Variants in BTRC observed in about 807,000 individuals in gnomAD.
BTRC encodes the protein F-box/WD repeat-containing protein 1A.
A neutral mutation model predicts 85.5 loss-of-function variants in BTRC; 42 were observed. That is an observed-to-expected ratio of 0.49 (90% CI 0.38 to 0.64). BTRC has a LOEUF of 0.64. Ranked by LOEUF, BTRC falls within the 30% of genes least tolerant of loss-of-function variation. BTRC has a pLI of 0.00. For synonymous variants in BTRC, 255 were observed against 263.3 expected, an observed-to-expected ratio of 0.97 and a Z score of 0.30; for missense variants, 594 against 743.5, an observed-to-expected ratio of 0.80 and a Z score of 2.34.
At chr10:101,424,684 T>C (rs1238059579) in intron 1 of BTRC, among the ~76,000 whole-genome samples, 1 of 152,166 alleles carries the variant, frequency 6.6e-6, no homozygotes, top group Non-Finnish European at 1.5e-5. Flanking sequence ...CAGCCAAGTG[T>C]AGGGGGAAGA....
intron 1 of BTRC, among the ~76,000 whole-genome samples, chr10:101,368,470 T>C (rs995807898): frequency 1.8e-4 from 5 of 27,732 alleles, no homozygotes; most frequent in Non-Finnish European, 4.4e-4. Flanking sequence ...TTTTCTTTTT[T>C]TTTTTTTTTT....
upstream of BTRC, chr10:101,354,089 A>G: frequency 2.1e-6 from 3 of 1,427,618 alleles, no homozygotes; most frequent in Non-Finnish European, 2.9e-6. Context: ...GGGGGGAAGG[A>G]AGAGGAGGCG....
intron 1 of BTRC, among the ~76,000 whole-genome samples, chr10:101,366,886 AT>A (rs1244889066): frequency 3.8e-5 from 1 of 26,424 alleles, no homozygotes; most frequent in South Asian, 1.1e-3. Context: ...ATTTATATAT[AT>A]TTATATATAT....
intron 1 of BTRC, among the ~76,000 whole-genome samples, chr10:101,371,273 C>A (rs140665295): frequency 4.5e-4 from 68 of 152,024 alleles, no homozygotes; most frequent in African/African-American, 1.6e-3. Flanking sequence ...ACTGCAGACT[C>A]CGCCAAGCAA....
At chr10:101,544,925 G>A (rs767808064) in intron 13 of BTRC, among the ~76,000 whole-genome samples, 3 of 151,848 alleles carry the variant, frequency 2.0e-5, no homozygotes, top group African/African-American at 2.4e-5. Flanking sequence ...ATGGTGGCAC[G>A]TGCCCAGTGC....
Position 101,540,253 on chromosome 10 carries a change from T to A in BTRC, c.1656+1882T>A, listed in dbSNP as rs558215082. 8.5e-5 allele frequency among the ~76,000 whole-genome samples: 13 copies of A among 152,336 alleles called. No homozygotes were observed. The South Asian group carries it at 2.3e-3, about 27-fold the overall frequency. ...TTTTCTTCTCTAAGTTTTATAATTT[T>A]CAGTTTGTATTTTGGTCTATGATCC... On this transcript the variant is annotated intron_variant, in intron 13 of 14. Transcript: ENST00000370187.
chr10:101,501,676 A>G (rs950270820), intron 4 of BTRC, among the ~76,000 whole-genome samples: 1 of 152,202 alleles, frequency 6.6e-6, no homozygotes, highest in African/African-American at 2.4e-5. Flanking sequence ...AGTGCTCCAT[A>G]TGAACTTAAA....
intron 4 of BTRC, among the ~76,000 whole-genome samples, chr10:101,512,604 A>G (rs1026817758): frequency 6.6e-6 from 1 of 152,176 alleles, no homozygotes; most frequent in South Asian, 2.1e-4. Flanking sequence ...TATTACAATG[A>G]TAGTTGATGA....
chr10:101,534,382 A>G (rs1229416518), intron 9 of BTRC, among the ~76,000 whole-genome samples: 1 of 152,188 alleles, frequency 6.6e-6, no homozygotes, highest in Non-Finnish European at 1.5e-5. Context: ...GTATCTTACT[A>G]ATGGTATCAA....
chr10:101,537,690 A>T (rs2062407884), intron 12 of BTRC, among the ~76,000 whole-genome samples: 1 of 152,272 alleles, frequency 6.6e-6, no homozygotes, highest in Admixed American at 6.5e-5. Context: ...TGCAAGCAGC[A>T]GGAAGTGTAG....
chr10:101,455,163 G>A (rs113540178), intron 2 of BTRC, among the ~76,000 whole-genome samples: 15,379 of 149,616 alleles, frequency 0.1, 2,670 homozygotes, highest in African/African-American at 0.36. Context: ...CGATCCTCCC[G>A]CCTTAGCCTC....
At chr10:101,529,988 C>T (rs569371035) in intron 6 of BTRC, among the ~76,000 whole-genome samples, 6 of 152,268 alleles carry the variant, frequency 3.9e-5, no homozygotes, top group Admixed American at 2.0e-4. Context: ...GCTTCCACAC[C>T]GTGTTTGGTG....
At chr10:101,538,830 C>T (rs2062425545) in intron 13 of BTRC, among the ~76,000 whole-genome samples, 1 of 152,072 alleles carries the variant, frequency 6.6e-6, no homozygotes, top group Non-Finnish European at 1.5e-5. Flanking sequence ...GATGGATCAC[C>T]TGAGATCAGG....
At position 101,464,842 on chromosome 10, in the gene BTRC, G is replaced by A. The variant is rs74155344; in HGVS notation, c.234+2784G>A. Among the ~76,000 whole-genome samples the A allele has an allele frequency of 4.4e-3, 675 of 152,192 alleles. 9 individuals carry two copies. Among genetic ancestry groups the A allele is most frequent in the African/African-American group, 0.015 (639 of 41,508 alleles). On this transcript the variant is annotated intron_variant, in intron 3 of 14. Transcript: ENST00000370187. ...TGCAGTGCCATCTGGTTTTTTGCTC[G>A]AACCAGATTACTGTTGGCTTGTGTC...
At chr10:101,416,004 T>G (rs1310345800) in intron 1 of BTRC, among the ~76,000 whole-genome samples, 1 of 152,226 alleles carries the variant, frequency 6.6e-6, no homozygotes, top group Non-Finnish European at 1.5e-5. Context: ...CGTGTGGTAG[T>G]ACCTTCTAGA....
chr10:101,474,263 A>AT (rs1414931920), intron 3 of BTRC, among the ~76,000 whole-genome samples: 2 of 152,174 alleles, frequency 1.3e-5, no homozygotes, highest in Non-Finnish European at 2.9e-5. Context: ...GCTGATCACT[A>AT]TGACCTTGTG....
At chr10:101,551,016 C>A in intron 14 of BTRC, 125 bp downstream of exon 14, 1 of 876,572 alleles carries the variant, frequency 1.1e-6, no homozygotes, top group Non-Finnish European at 1.7e-6. Context: ...GCCGAGGAAG[C>A]AGACAATGTG....
chr10:101,393,411 T>G (rs1943286205), intron 1 of BTRC, among the ~76,000 whole-genome samples: 1 of 152,150 alleles, frequency 6.6e-6, no homozygotes, highest in Non-Finnish European at 1.5e-5. Context: ...CCCAGAGTTG[T>G]GACTGATATC....
intron 1 of BTRC, among the ~76,000 whole-genome samples, chr10:101,355,911 A>G (rs1306890483): frequency 2.0e-5 from 3 of 152,246 alleles, no homozygotes; most frequent in Non-Finnish European, 4.4e-5. Flanking sequence ...CTAAATATGA[A>G]GAAGAGACCT....
Sources: gnomAD v4.1 joint callset for allele counts (sites outside exome capture counted in the v4.1 genomes callset) on GRCh38, gnomAD v4.1.1 for gene constraint, MANE v1.5 for transcripts, NCBI Gene and HGNC (gene_info 2026-07-23, HGNC 2026-07-21) for gene names.